The following PHACTR2 variants were observed in gnomAD, a reference collection of about 807,000 sequenced individuals.
The protein encoded by PHACTR2 is phosphatase and actin regulator 2, also known as chromosome 6 open reading frame 56.
A neutral mutation model predicts 76.0 loss-of-function variants in PHACTR2; 30 were observed. The ratio of observed to expected loss-of-function variants is 0.39; its 90% CI spans 0.30 to 0.54. The LOEUF (loss-of-function observed/expected upper bound fraction) is 0.54. PHACTR2 is among the 20% of genes least tolerant of loss of function. The probability of loss-of-function intolerance (pLI) is 0.61; values close to 1 mark genes in which losing one functional copy is unlikely to be tolerated. For missense variants in PHACTR2, 696 were observed against 781.1 expected, an observed-to-expected ratio of 0.89 and a Z score of 1.30; for synonymous variants, 292 against 292.5, an observed-to-expected ratio of 1.00 and a Z score of 0.02.
In PHACTR2 at chr6:143,829,007, G is replaced by A. The variant is rs1193408117; in HGVS notation, c.*5318G>A. On this transcript the variant is annotated 3_prime_UTR_variant, in exon 13 of 13. Coordinates refer to ENST00000440869, the MANE Select transcript of PHACTR2 (RefSeq NM_001100164.2). The stretch of plus-strand genomic sequence containing the variant: ...TCTCTGCTGCCTTGCATTTCTTTGG[G>A]CCCTGAATGGTTTTTCTCCCTTCAT... 2 of 152,090 alleles carry A rather than the reference G, an allele frequency of 1.3e-5. No individual in the cohort carries two copies. The highest frequency in any genetic ancestry group is 3.9e-4 in the East Asian group (2 of 5,166). 9.4% of individuals were successfully genotyped at this position (152,090 alleles called of 1,614,324 possible).
Position 143,599,488 on chromosome 6 carries a change from C to T in PHACTR2, c.217+62281C>T, listed in dbSNP as rs1775792310. On this transcript the variant is annotated intron_variant, in intron 1 of 11. Transcript: ENST00000367584. This position sits in a 1 kb window ranked among gnomAD's most constrained non-coding sequence, Gnocchi z 4.6. The stretch of plus-strand genomic sequence containing the variant: ...GTGTTCTGGGAGCTACGAGGAAGAC[C>T]TTGACAAGATTTCTACGTCTTTCAT... Among the ~76,000 whole-genome samples, 1 of 152,098 alleles carries T rather than the reference C, an allele frequency of 6.6e-6. No individual in the cohort carries two copies. Among genetic ancestry groups the T allele is most frequent in the South Asian group, 2.1e-4 (1 of 4,830 alleles).
chr6:143,719,601 C>T (rs1227517431), intron 2 of PHACTR2, among the ~76,000 whole-genome samples: 8 of 149,244 alleles, frequency 5.4e-5, no homozygotes, highest in South Asian at 4.3e-4. Context: ...CCACCTGCCT[C>T]GGCCTCCTAA....
rs1474370417 is a variant in PHACTR2 at position 143,795,823 on chromosome 6, T to C, written c.1845+6913T>C. On this transcript the variant is annotated intron_variant, in intron 11 of 12. Transcript: ENST00000440869. This position sits in a 1 kb window ranked among gnomAD's most constrained non-coding sequence, Gnocchi z 4.8. ...GAATTAGGTAGAATATCTCTAGAATTCCTGCTTGTCAATAAATGGTAGCTA... is the reference window on the plus strand; with the variant it reads ...GAATTAGGTAGAATATCTCTAGAATCCCTGCTTGTCAATAAATGGTAGCTA... Among the ~76,000 whole-genome samples, 1 of 152,226 alleles carries C rather than the reference T, an allele frequency of 6.6e-6. No homozygotes were observed. The highest frequency in any genetic ancestry group is 1.5e-5 in the Non-Finnish European group (1 of 68,042).
In PHACTR2 at chr6:143,600,843, G is replaced by T. The variant is rs552434205; in HGVS notation, c.217+63636G>T. On this transcript the variant is annotated intron_variant, in intron 1 of 11. Coordinates refer to the PHACTR2 transcript ENST00000367584. ...AAGCTTTAAAAGAAATTATGCTTTT[G>T]CATTGAAAGCAGAAGTTCAATAAAA... Among the ~76,000 whole-genome samples the T allele has an allele frequency of 1.1e-4, 16 of 152,332 alleles. 1 individual carries two copies. In the South Asian group the frequency reaches 3.3e-3, roughly 32 times the overall value.
intron 11 of PHACTR2, among the ~76,000 whole-genome samples, chr6:143,796,703 T>G (rs1421118648): frequency 6.6e-6 from 1 of 152,142 alleles, no homozygotes; most frequent in Non-Finnish European, 1.5e-5. Flanking sequence ...GAATGATGGT[T>G]TCCAGCTTCA....
Position 143,730,136 on chromosome 6 carries a change from T to G in PHACTR2, c.214+17953T>G, listed in dbSNP as rs1778668787. Among the ~76,000 whole-genome samples, 1 of 152,218 alleles carries G rather than the reference T, an allele frequency of 6.6e-6. No homozygotes were observed. The highest frequency in any genetic ancestry group is 2.4e-5 in the African/African-American group (1 of 41,478). ...ATTCTTCATTTAAAATTGTTTTAAC[T>G]AATCTAGTTTGTTTGGCTTTCATTT... is the stretch of plus-strand genomic sequence containing the variant. On this transcript the variant is annotated intron_variant, in intron 2 of 12. Transcript: ENST00000440869. The surrounding 1 kb of genome is among the most constrained non-coding windows in gnomAD (Gnocchi z 4.8).
At chr6:143,601,774 A>C (rs1775816750) in intron 1 of PHACTR2, among the ~76,000 whole-genome samples, 1 of 152,220 alleles carries the variant, frequency 6.6e-6, no homozygotes, top group African/African-American at 2.4e-5. Flanking sequence ...AGAGAAATAC[A>C]TTCCCACGCT....
rs886900661 is a variant in PHACTR2, at chr6:143,816,921, C to T, written c.1923-6753C>T. ...TCTCTACAAAAAATACAAAAATTAGCCAAGTGTGGTGGCGAGTGCCTGTAT... is the reference window on the plus strand; with the variant it reads ...TCTCTACAAAAAATACAAAAATTAGTCAAGTGTGGTGGCGAGTGCCTGTAT... On this transcript the variant is annotated intron_variant, in intron 12 of 12. Coordinates refer to ENST00000440869, the MANE Select transcript of PHACTR2 (RefSeq NM_001100164.2). The surrounding 1 kb of genome is among the most constrained non-coding windows in gnomAD (Gnocchi z 4.5). Among the ~76,000 whole-genome samples the T allele has an allele frequency of 6.6e-6, 1 of 152,026 alleles. No homozygotes were observed. The highest frequency in any genetic ancestry group is 2.4e-5 in the African/African-American group (1 of 41,396).
At position 143,694,125 on chromosome 6, in the gene PHACTR2, A is replaced by AGAAG. The variant is rs143997167; in HGVS notation, c.46+15938_46+15941dup. ...AGGAAGGGAGGGAAGAAGGAAGGAA[A>AGAAG]GAAGGAAGGAAGGAAGGAAGGAAGG... On this transcript the variant is annotated intron_variant, in intron 1 of 12. Transcript: ENST00000440869. Among the ~76,000 whole-genome samples, 221 of 141,958 alleles carry AGAAG rather than the reference A, an allele frequency of 1.6e-3. 1 individual carries two copies. The highest frequency in any genetic ancestry group is 4.4e-3 in the African/African-American group (169 of 38,498). The allele number at this position is 141,958 out of a possible 152,430, so 93.1% of individuals were successfully genotyped here. A position where few individuals can be genotyped will look rare whatever the true frequency, so the allele number is the denominator to read the frequency against.
intron 6 of PHACTR2, among the ~76,000 whole-genome samples, chr6:143,769,598 A>G (rs1394236469): frequency 1.3e-5 from 2 of 152,130 alleles, no homozygotes; most frequent in African/African-American, 2.4e-5. Flanking sequence ...TGCCCTCCTT[A>G]TACAATAGAA....
rs1046210135 is a variant in PHACTR2 at position 143,811,608 on chromosome 6, A to C, written c.1922+4475A>C. Among the ~76,000 whole-genome samples, 1 of 152,216 alleles carries C rather than the reference A, an allele frequency of 6.6e-6. No homozygotes were observed. The highest frequency in any genetic ancestry group is 2.4e-5 in the African/African-American group (1 of 41,464). Reference sequence around the variant, plus strand: ...CCAGATAAGGAAAAATTAAATATTCATATCACCAAAATAAATATGCCTTGC... The same window carrying C: ...CCAGATAAGGAAAAATTAAATATTCCTATCACCAAAATAAATATGCCTTGC... On this transcript the variant is annotated intron_variant, in intron 12 of 12. Coordinates refer to ENST00000440869, the MANE Select transcript of PHACTR2 (RefSeq NM_001100164.2). This position sits in a 1 kb window ranked among gnomAD's most constrained non-coding sequence, Gnocchi z 4.1.
chr6:143,596,809 G>C lies in PHACTR2; in HGVS notation c.217+59602G>C, dbSNP rs920726365. 3.3e-5 allele frequency among the ~76,000 whole-genome samples: 5 copies of C among 152,136 alleles called. No homozygotes were observed. The highest frequency in any genetic ancestry group is 7.4e-5 in the Non-Finnish European group (5 of 68,026). ...ACTGTGATCGTGCCACAGCATTCCA[G>C]CTTGAGTGACAGAGTGAGACCTCAT... On this transcript the variant is annotated intron_variant, in intron 1 of 11. Transcript: ENST00000367584. This position sits in a 1 kb window ranked among gnomAD's most constrained non-coding sequence, Gnocchi z 4.6.
chr6:143,654,525 C>A lies in PHACTR2; in HGVS notation c.13+46203C>A, dbSNP rs1776815498. Among the ~76,000 whole-genome samples the A allele has an allele frequency of 6.6e-6, 1 of 152,098 alleles. No individual in the cohort carries two copies. The highest frequency in any genetic ancestry group is 6.5e-5 in the Admixed American group (1 of 15,268). ...ATTTGCCAATTAAAAAAAATAAAGG[C>A]TGGATACTGTGGCTCACACCTGTAA... On this transcript the variant is annotated intron_variant, in intron 1 of 11. Transcript: ENST00000305766. The surrounding 1 kb of genome is among the most constrained non-coding windows in gnomAD (Gnocchi z 4.6).
In PHACTR2 at chr6:143,584,421, T is replaced by C. The variant is rs1179182493; in HGVS notation, c.217+47214T>C. On this transcript the variant is annotated intron_variant, in intron 1 of 11. Coordinates refer to the PHACTR2 transcript ENST00000367584. ...CAAGGGAAGATCAACTAGCCTCAGT[T>C]CTGGAGGAAAAAAGATAAAGAGTGG... 3.3e-5 allele frequency among the ~76,000 whole-genome samples: 5 copies of C among 152,272 alleles called. No individual in the cohort carries two copies. In the East Asian group the frequency reaches 9.6e-4, roughly 29 times the overall value.
chr6:143,729,355 C>T (rs1778651361), intron 2 of PHACTR2, among the ~76,000 whole-genome samples: 1 of 151,996 alleles, frequency 6.6e-6, no homozygotes, highest in Admixed American at 6.5e-5. Context: ...TAATGAAATC[C>T]ACCGTATCAG....
chr6:143,719,485 GA>G (rs1778390989), intron 2 of PHACTR2, among the ~76,000 whole-genome samples: 1 of 149,808 alleles, frequency 6.7e-6, no homozygotes, highest in South Asian at 2.1e-4. Context: ...GAGTAGCTGG[GA>G]TTATAGGCAT....
In PHACTR2 at chr6:143,623,406, C is replaced by T. The variant is rs745864057; in HGVS notation, c.13+15084C>T. ...CCTGGCCAACATGGTGAAACCCTGT[C>T]TCTACTAAATATACAAAAATTAGCC... On this transcript the variant is annotated intron_variant, in intron 1 of 11. Transcript: ENST00000305766. The surrounding 1 kb of genome is among the most constrained non-coding windows in gnomAD (Gnocchi z 5.9). 2.0e-5 allele frequency among the ~76,000 whole-genome samples: 3 copies of T among 152,076 alleles called. No individual in the cohort carries two copies. Among genetic ancestry groups the T allele is most frequent in the Non-Finnish European group, 4.4e-5 (3 of 68,020 alleles).
At chr6:143,804,485 C>T (rs730576) in intron 11 of PHACTR2, among the ~76,000 whole-genome samples, 89,043 of 152,054 alleles carry the variant, frequency 0.59, 26,360 homozygotes, top group East Asian at 0.69. Flanking sequence ...GCTGGAGAGA[C>T]AGACTTCACC....
rs898026926 is a variant in PHACTR2, at chr6:143,652,614, T to C, written c.13+44292T>C. ...CAGTTTTCAGATCTTATTAAAAAGC[T>C]CAGGGTTTCGGGAATCCGACTGTTC... is the stretch of plus-strand genomic sequence containing the variant. On this transcript the variant is annotated intron_variant, in intron 1 of 11. Transcript: ENST00000305766. The surrounding 1 kb of genome is among the most constrained non-coding windows in gnomAD (Gnocchi z 4.5). Among the ~76,000 whole-genome samples, 3 of 152,236 alleles carry C rather than the reference T, an allele frequency of 2.0e-5. No individual in the cohort carries two copies. Among genetic ancestry groups the C allele is most frequent in the Non-Finnish European group, 2.9e-5 (2 of 68,044 alleles).
Sources: gnomAD v4.1 joint callset for allele counts (sites outside exome capture counted in the v4.1 genomes callset) on GRCh38, gnomAD v4.1.1 for gene constraint, Gnocchi (gnomAD v3.1) non-coding constraint, MANE v1.5 for transcripts, NCBI Gene and HGNC (gene_info 2026-07-23, HGNC 2026-07-21) for gene names.